ZNF829: variants seen among roughly 807,000 people sequenced by gnomAD.
ZNF829 encodes the protein zinc finger protein 829.
A neutral mutation model predicts 35.2 loss-of-function variants in ZNF829; 25 were observed. The observed-to-expected ratio is 0.71, with a 90% CI of 0.52 to 0.99. The LOEUF (loss-of-function observed/expected upper bound fraction) is 0.99, where lower values mean the gene tolerates loss of function less well. Ranked by LOEUF, ZNF829 falls within the 50% of genes least tolerant of loss-of-function variation. ZNF829 has a pLI of 0.00. For missense variants in ZNF829, 417 were observed against 515.3 expected (o/e 0.81, Z 1.85); for synonymous variants, 136 against 163.2 (o/e 0.83, Z 1.27).
chr19:36,892,685 T>C, intron 5 of ZNF829: 1 of 617,892 alleles, frequency 1.6e-6, no homozygotes. Context: ...GTAGATGACC[T>C]CTATGATCCT....
At chr19:36,908,120 A>G (rs1378816561) in intron 4 of ZNF829, 96 bp from the exon 5 acceptor site, 4 of 1,253,372 alleles carry the variant, frequency 3.2e-6, no homozygotes, top group South Asian at 1.4e-5. Context: ...TGCCACTACA[A>G]GAAGGACCGG....
In ZNF829 at chr19:36,889,617, TATA is replaced by T. The variant is rs1252147459; in HGVS notation, c.*1872_*1874del. The T allele has an allele frequency of 6.6e-6, 1 of 152,230 alleles. No homozygotes were observed. Among genetic ancestry groups the T allele is most frequent in the African/African-American group, 2.4e-5 (1 of 41,464 alleles). 9.4% of individuals were successfully genotyped at this position (152,230 alleles called of 1,614,324 possible). ...TATTTTATATGTCTGTGTTATCAGT[TATA>T]ATATCACCTTATCATTTCTGATTGT... On this transcript the variant is annotated 3_prime_UTR_variant, in exon 6 of 6. Transcript: ENST00000391711.
intron 5 of ZNF829, chr19:36,905,563 G>C (rs1300224025): frequency 1.3e-5 from 2 of 151,642 alleles, no homozygotes; most frequent in Non-Finnish European, 2.9e-5. Flanking sequence ...TCAGCCTCCT[G>C]AGTAGCTGGG....
At chr19:36,909,071 G>A (rs184364946) in intron 3 of ZNF829, among the ~76,000 whole-genome samples, 3 of 152,174 alleles carry the variant, frequency 2.0e-5, no homozygotes, top group Non-Finnish European at 2.9e-5. Flanking sequence ...TCAAAACTAG[G>A]TAGTAAATTA....
chr19:36,898,617 G>T (rs1298722787), intron 5 of ZNF829, among the ~76,000 whole-genome samples: 2 of 152,122 alleles, frequency 1.3e-5, no homozygotes, highest in Non-Finnish European at 2.9e-5. Flanking sequence ...CTACAAAGCT[G>T]TCGTAACCAA....
At chr19:36,902,863 C>G (rs895431309) in intron 5 of ZNF829, among the ~76,000 whole-genome samples, 1 of 152,046 alleles carries the variant, frequency 6.6e-6, no homozygotes, top group East Asian at 1.9e-4. Flanking sequence ...TGGTGAAACC[C>G]CGTCTCTACT....
At chr19:36,915,959 G>C (rs746503813) in intron 1 of ZNF829, 52 bp downstream of exon 1, 1 of 1,532,916 alleles carries the variant, frequency 6.5e-7, no homozygotes, top group South Asian at 1.2e-5. Context: ...AGTCATCCCG[G>C]ATGGGAACTT....
Position 36,901,827 on chromosome 19 carries a change from T to G in ZNF829, c.319+6102A>C. ...GTGACCTGAGAATACACCATCAGTA[T>G]GCACAAGCGCATCCATGGAGTGGGC... is the stretch of plus-strand genomic sequence containing the variant. On this transcript the variant is annotated intron_variant, in intron 5 of 5. Coordinates refer to ENST00000391711, the MANE Select transcript of ZNF829 (RefSeq NM_001037232.4). 3 of 711,644 alleles carry G rather than the reference T, an allele frequency of 4.2e-6. No homozygotes were observed. In the Admixed American group the frequency reaches 5.6e-5, roughly 13 times the overall value. 44.1% of individuals were successfully genotyped at this position (711,644 alleles called of 1,614,324 possible).
At chr19:36,900,617 G>A (rs759904616) in intron 5 of ZNF829, among the ~76,000 whole-genome samples, 101 of 152,012 alleles carry the variant, frequency 6.6e-4, no homozygotes, top group Non-Finnish European at 1.1e-3. Flanking sequence ...GAGGGCTGAG[G>A]CAGGTGGATC....
intron 5 of ZNF829, among the ~76,000 whole-genome samples, chr19:36,896,955 A>C (rs2073119052): frequency 6.6e-6 from 1 of 152,146 alleles, no homozygotes; most frequent in Admixed American, 6.6e-5. Flanking sequence ...AACCTAGAGG[A>C]AACAGAAAAA....
chr19:36,896,604 G>C (rs1405389803), intron 5 of ZNF829, among the ~76,000 whole-genome samples: 1 of 152,100 alleles, frequency 6.6e-6, no homozygotes, highest in Admixed American at 6.5e-5. Flanking sequence ...ATTTAAACTG[G>C]ATATTAGACC....
chr19:36,893,053 G>C (rs969941332), intron 5 of ZNF829: 1 of 399,422 alleles, frequency 2.5e-6, no homozygotes, highest in African/African-American at 2.1e-5. Flanking sequence ...GATACTGTAT[G>C]TTTTGCAATT....
intron 1 of ZNF829, among the ~76,000 whole-genome samples, chr19:36,915,498 C>CCTGT (rs1483615259): frequency 6.6e-6 from 1 of 151,936 alleles, no homozygotes; most frequent in Non-Finnish European, 1.5e-5. Context: ...ACCACGGGAA[C>CCTGT]ACACAGCCAC....
chr19:36,891,390 A>C lies in ZNF829; in HGVS notation c.*102T>G, dbSNP rs1333628249. ...GTTATCGTATCGTTTAAAAACGAAT[A>C]CATAGGAGAACCTTTGATAATATGT... is the stretch of plus-strand genomic sequence containing the variant. On this transcript the variant is annotated 3_prime_UTR_variant, in exon 6 of 6. Transcript: ENST00000391711. The C allele has an allele frequency of 1.6e-6, 2 of 1,224,262 alleles. No individual in the cohort carries two copies. The highest frequency in any genetic ancestry group is 2.2e-6 in the Non-Finnish European group (2 of 908,994). The allele number at this position is 1,224,262 out of a possible 1,614,324, so 75.8% of individuals were successfully genotyped here.
chr19:36,889,529 G>A lies in ZNF829; in HGVS notation c.*1963C>T, dbSNP rs2073030686. On this transcript the variant is annotated 3_prime_UTR_variant, in exon 6 of 6. Transcript: ENST00000391711. Reference sequence around the variant, plus strand: ...CCCTGGTTCAATCTTGGAAGGTTATGTGTTTCTAGGAATTTATCCACTTCC... The same window carrying A: ...CCCTGGTTCAATCTTGGAAGGTTATATGTTTCTAGGAATTTATCCACTTCC... The A allele has an allele frequency of 6.6e-6, 1 of 152,072 alleles. No individual in the cohort carries two copies. The highest frequency in any genetic ancestry group is 1.9e-4 in the East Asian group (1 of 5,196). The allele number at this position is 152,072 out of a possible 1,614,324, so 9.4% of individuals were successfully genotyped here. A position where few individuals can be genotyped will look rare whatever the true frequency, so the allele number is the denominator to read the frequency against.
intron 3 of ZNF829, among the ~76,000 whole-genome samples, chr19:36,909,574 C>A (rs537823498): frequency 6.6e-6 from 1 of 151,904 alleles, no homozygotes; most frequent in South Asian, 2.1e-4. Flanking sequence ...TTTGGGAGGC[C>A]GAGGCAGGAG....
chr19:36,905,071 T>G (rs887669274), intron 5 of ZNF829, among the ~76,000 whole-genome samples: 1 of 152,168 alleles, frequency 6.6e-6, no homozygotes, highest in Non-Finnish European at 1.5e-5. Context: ...CAACATCTAC[T>G]TCTAGGGCTC....
At chr19:36,914,871 C>A in intron 3 of ZNF829, 94 bp downstream of exon 3, 2 of 1,227,612 alleles carry the variant, frequency 1.6e-6, no homozygotes, top group Non-Finnish European at 2.4e-6. Context: ...AGCAACCATC[C>A]TTTTCTGTGA....
Sources: gnomAD v4.1 joint callset for allele counts (sites outside exome capture counted in the v4.1 genomes callset) on GRCh38, gnomAD v4.1.1 for gene constraint, MANE v1.5 for transcripts, NCBI Gene and HGNC (gene_info 2026-07-23, HGNC 2026-07-21) for gene names.